The following CASP10 variants were observed in gnomAD, a reference collection of about 807,000 sequenced individuals.
CASP10 encodes the protein caspase-10.
CASP10 carries 41 observed loss-of-function variants against 48.5 expected under a neutral mutation model. The ratio of observed to expected loss-of-function variants is 0.85; its 90% CI spans 0.66 to 1.10. The LOEUF (loss-of-function observed/expected upper bound fraction) is 1.10, where lower values mean the gene tolerates loss of function less well. Ranked by LOEUF, CASP10 falls within the 50% of genes least tolerant of loss-of-function variation. The pLI is 0.00. For missense variants in CASP10, 614 were observed against 614.5 expected (o/e 1.00, Z 0.01); for synonymous variants, 232 against 238.4 (o/e 0.97, Z 0.25).
At position 201,186,060 on chromosome 2, in the gene CASP10, C is replaced by A; in HGVS notation, c.283C>A (p.Leu95Ile). ...ACGGCAGAAGAAGCTGCTGCAGCAC[C>A]TCAACTGTACCAAAGAGGAAGTGGA... ...IIRQKKLLQH[L>I]NCTKEEVERL... Residue 95 changes from leucine (L) to isoleucine (I), a missense_variant, in exon 2 of 10, where the codon CTC becomes ATC. Physicochemically the swap from Leu to Ile is conservative, Grantham distance 5. Transcript: ENST00000286186. 1 of 1,612,706 alleles carries A rather than the reference C, an allele frequency of 6.2e-7. No individual in the cohort carries two copies. The highest frequency in any genetic ancestry group is 8.5e-7 in the Non-Finnish European group (1 of 1,180,014).
At chr2:201,229,045 C>T (rs147791300) in exon 10 of CASP10, 1 of 1,614,204 alleles carries the variant, frequency 6.2e-7, no homozygotes, top group Non-Finnish European at 8.5e-7. Flanking sequence ...TGCGCAGACA[C>T]CTCGACCCCC....
chr2:201,198,697 C>G (rs1396999681), intron 5 of CASP10, among the ~76,000 whole-genome samples: 1 of 151,814 alleles, frequency 6.6e-6, no homozygotes. Flanking sequence ...CCCGCCACCA[C>G]GCCTGGCTAA....
intron 5 of CASP10, among the ~76,000 whole-genome samples, chr2:201,200,010 G>A (rs1253010881): frequency 1.3e-5 from 2 of 152,078 alleles, no homozygotes; most frequent in African/African-American, 4.8e-5. Flanking sequence ...TTTGGTACAT[G>A]TGGTATTTCC....
Position 201,218,744 on chromosome 2 carries a change from G to A in CASP10, c.*1003G>A. On this transcript the variant is annotated 3_prime_UTR_variant, in exon 10 of 10. Coordinates refer to ENST00000286186, the MANE Select transcript of CASP10 (RefSeq NM_032977.4). Reference sequence around the variant, plus strand: ...TGCATGCCCTTAAACATTGGACAGTGAGGTCACAGTCCACCCACCCTCTCT... The same window carrying A: ...TGCATGCCCTTAAACATTGGACAGTAAGGTCACAGTCCACCCACCCTCTCT... The A allele has an allele frequency of 1.0e-6, 1 of 985,436 alleles. No individual in the cohort carries two copies. The highest frequency in any genetic ancestry group is 1.1e-4 in the East Asian group (1 of 8,814). The allele number at this position is 985,436 out of a possible 1,614,324, so 61.0% of individuals were successfully genotyped here. A position where few individuals can be genotyped will look rare whatever the true frequency, so the allele number is the denominator to read the frequency against.
In CASP10 at chr2:201,219,398, T is replaced by C. The variant is rs1945665099; in HGVS notation, c.*1657T>C. 6 of 978,520 alleles carry C rather than the reference T, an allele frequency of 6.1e-6. No homozygotes were observed. Among genetic ancestry groups the C allele is most frequent in the Non-Finnish European group, 7.3e-6 (6 of 823,654 alleles). The allele number at this position is 978,520 out of a possible 1,614,324, so 60.6% of individuals were successfully genotyped here. A position where few individuals can be genotyped will look rare whatever the true frequency, so the allele number is the denominator to read the frequency against. On this transcript the variant is annotated 3_prime_UTR_variant, in exon 10 of 10. Coordinates refer to ENST00000286186, the MANE Select transcript of CASP10 (RefSeq NM_032977.4). ...ATTGAAACCCAGGAGTGGATAACAC[T>C]GGCTTCAGGCAAAGCTTGAATCAGG...
At position 201,203,759 on chromosome 2, in the gene CASP10, T is replaced by A. The variant is rs756168651; in HGVS notation, c.714T>A (p.Gly238=). The A allele has an allele frequency of 1.1e-5, 18 of 1,612,968 alleles. No individual in the cohort carries two copies. The highest frequency in any genetic ancestry group is 1.4e-5 in the Non-Finnish European group (16 of 1,179,124). The change falls in exon 6 of 10, where the codon GGT becomes GGA. Residue 238 remains glycine (G), a synonymous_variant. Coordinates refer to ENST00000286186, the MANE Select transcript of CASP10 (RefSeq NM_032977.4). ...AGTCCTGGCAAAATAAGCATGCAGGTAGTAATGGTAGGTATTTCTAATGTA... is the reference window on the plus strand; with the variant it reads ...AGTCCTGGCAAAATAAGCATGCAGGAAGTAATGGTAGGTATTTCTAATGTA... The part of the protein sequence containing the change: ...PQESWQNKHA[G]SNGNRATNGA...
At chr2:201,186,178 T>A in intron 2 of CASP10, 54 bp downstream of exon 2, 2 of 1,339,560 alleles carry the variant, frequency 1.5e-6, no homozygotes, top group Non-Finnish European at 2.1e-6. Context: ...GTGTTCATTC[T>A]GGCCATTGGG....
intron 5 of CASP10, among the ~76,000 whole-genome samples, chr2:201,198,543 T>TTTC: frequency 7.4e-6 from 1 of 134,634 alleles, no homozygotes. Context: ...TTAATTCTTT[T>TTTC]TTTTTTTTTT....
chr2:201,193,803 AGAGTG>A (rs896398902), intron 4 of CASP10, among the ~76,000 whole-genome samples: 2 of 152,218 alleles, frequency 1.3e-5, no homozygotes, highest in Non-Finnish European at 2.9e-5. Context: ...GCATGGGGTA[AGAGTG>A]GACTCTATAG....
intron 6 of CASP10, 26 bp downstream of exon 6, chr2:201,203,792 CA>C: frequency 1.9e-6 from 3 of 1,588,078 alleles, no homozygotes; most frequent in Non-Finnish European, 2.6e-6. Flanking sequence ...GTACTTTTTA[CA>C]ACTTAGATCG....
intron 9 of CASP10, chr2:201,212,992 A>T (rs1282711804): frequency 6.6e-6 from 1 of 152,204 alleles, no homozygotes; most frequent in East Asian, 1.9e-4. Flanking sequence ...CATAGTATGG[A>T]TATGAGTTCT....
intron 2 of CASP10, among the ~76,000 whole-genome samples, chr2:201,187,290 G>A (rs1406734946): frequency 6.6e-6 from 1 of 152,082 alleles, no homozygotes; most frequent in Non-Finnish European, 1.5e-5. Context: ...AGCTGGGGTA[G>A]TTTTCTTCCC....
chr2:201,200,350 A>G lies in CASP10; in HGVS notation c.685-3380A>G, dbSNP rs1944969809. ...ATCCAGCATTTACTATGTTGGTTGT[A>G]AAACAATGCTTTTCTGACTCCAGTA... On this transcript the variant is annotated intron_variant, in intron 5 of 9. Transcript: ENST00000286186. The G allele has an allele frequency of 3.3e-6, 4 of 1,200,926 alleles. No homozygotes were observed. The African/African-American group carries it at 6.0e-5, about 18-fold the overall frequency. 74.4% of individuals were successfully genotyped at this position (1,200,926 alleles called of 1,614,324 possible).
At chr2:201,190,684 T>C (rs1490303730) in intron 3 of CASP10, among the ~76,000 whole-genome samples, 1 of 152,108 alleles carries the variant, frequency 6.6e-6, no homozygotes, top group East Asian at 1.9e-4. Flanking sequence ...CTGAACAATA[T>C]GAGGTGGCGG....
In CASP10 at chr2:201,193,020, G is replaced by C. The variant is rs781000749; in HGVS notation, c.478G>C (p.Gly160Arg). 2 of 1,613,608 alleles carry C rather than the reference G, an allele frequency of 1.2e-6. No homozygotes were observed. Among genetic ancestry groups the C allele is most frequent in the African/African-American group, 1.3e-5 (1 of 74,978 alleles). ...TTTCCTGGCATTTCTAGAGAAACAA[G>C]GTAAAATAGATGAAGATAATCTGAC... ...LSFLAFLEKQ[G>R]KIDEDNLTCL... Residue 160 changes from glycine (G) to arginine (R), a missense_variant, in exon 4 of 10, where the codon GGT becomes CGT. By Grantham distance (125) the Gly-to-Arg change is moderately radical. Transcript: ENST00000286186.
At chr2:201,191,107 C>T (rs1160135038) in intron 3 of CASP10, among the ~76,000 whole-genome samples, 3 of 152,116 alleles carry the variant, frequency 2.0e-5, no homozygotes. Flanking sequence ...GGTGATCCAC[C>T]TGCCTCAGCC....
intron 6 of CASP10, among the ~76,000 whole-genome samples, 166 bp from the exon 7 acceptor site, chr2:201,205,716 G>A (rs1219996407): frequency 6.6e-6 from 1 of 152,182 alleles, no homozygotes; most frequent in Non-Finnish European, 1.5e-5. Context: ...AAAAAAGAAT[G>A]CGAAGACACA....
In CASP10 at chr2:201,219,963, A is replaced by T. The variant is rs1369781821; in HGVS notation, c.*2222A>T. On this transcript the variant is annotated 3_prime_UTR_variant, in exon 10 of 10. Coordinates refer to ENST00000286186, the MANE Select transcript of CASP10 (RefSeq NM_032977.4). ...GGGCATTAGGAGTGTTTCATTTGAT[A>T]TGTGAATGCTCATAAAAAAATGTCA... is the stretch of plus-strand genomic sequence containing the variant. 1.0e-6 allele frequency: 1 copy of T among 985,304 alleles called. No individual in the cohort carries two copies. The highest frequency in any genetic ancestry group is 1.2e-6 in the Non-Finnish European group (1 of 829,932). 61.0% of individuals were successfully genotyped at this position (985,304 alleles called of 1,614,324 possible).
rs1011788084 is a variant in CASP10 at position 201,217,794 on chromosome 2, C to T, written c.*53C>T. 1.9e-6 allele frequency: 3 copies of T among 1,613,354 alleles called. No homozygotes were observed. The highest frequency in any genetic ancestry group is 2.5e-6 in the Non-Finnish European group (3 of 1,179,528). ...TCAAACGAATCATTGGCTATAACCT[C>T]CAGCCTCCTGCCCAGCACAGGAATC... On this transcript the variant is annotated 3_prime_UTR_variant, in exon 10 of 10. Transcript: ENST00000286186.
Sources: gnomAD v4.1 joint callset for allele counts (sites outside exome capture counted in the v4.1 genomes callset) on GRCh38, gnomAD v4.1.1 for gene constraint, MANE v1.5 for transcripts, NCBI Gene and HGNC (gene_info 2026-07-23, HGNC 2026-07-21) for gene names.